BTBD8: variants seen among roughly 807,000 people sequenced by gnomAD.
BTBD8 encodes the protein BTB/POZ domain-containing protein 8.
BTBD8 carries 110 observed loss-of-function variants against 162.9 expected under a neutral mutation model. The ratio of observed to expected loss-of-function variants is 0.68; its 90% CI spans 0.58 to 0.79. The LOEUF (loss-of-function observed/expected upper bound fraction) is 0.79, where lower values mean the gene tolerates loss of function less well. Ranked by LOEUF, BTBD8 falls within the 30% of genes least tolerant of loss-of-function variation. BTBD8 has a pLI of 0.00. For missense variants in BTBD8, 1,905 were observed against 2,085.4 expected, an observed-to-expected ratio of 0.91 and a Z score of 1.68; for synonymous variants, 667 against 716.1, an observed-to-expected ratio of 0.93 and a Z score of 1.10.
chr1:92,080,394 C>G lies in BTBD8; in HGVS notation c.-178C>G, dbSNP rs1570707685. 1 of 866,234 alleles carries G rather than the reference C, an allele frequency of 1.2e-6. No homozygotes were observed. The highest frequency in any genetic ancestry group is 3.1e-5 in the East Asian group (1 of 32,182). 53.7% of individuals were successfully genotyped at this position (866,234 alleles called of 1,614,324 possible). ...GTTCTGGGATTCTGAGGCTCCCCAC[C>G]GCGGTCCGGCTTCTCTGGGAGACTG... is the stretch of plus-strand genomic sequence containing the variant. On this transcript the variant is annotated 5_prime_UTR_variant, in exon 1 of 18. Coordinates refer to ENST00000636805, the MANE Select transcript of BTBD8 (RefSeq NM_001376131.1).
chr1:92,125,754 G>T, intron 4 of BTBD8: 1 of 440,532 alleles, frequency 2.3e-6, no homozygotes, highest in South Asian at 1.9e-5. Context: ...TGATGATAAT[G>T]AGAGAAGTGA....
At chr1:92,130,539 TACACACACAC>T (rs59796834) in intron 5 of BTBD8, among the ~76,000 whole-genome samples, 2 of 131,124 alleles carry the variant, frequency 1.5e-5, no homozygotes, top group Non-Finnish European at 3.3e-5. Context: ...TATATATATT[TACACACACAC>T]ACACACACAC....
At chr1:92,092,570 C>A (rs1395050931) in intron 2 of BTBD8, among the ~76,000 whole-genome samples, 1 of 152,142 alleles carries the variant, frequency 6.6e-6, no homozygotes, top group African/African-American at 2.4e-5. Flanking sequence ...CTGAGAAATA[C>A]ATTTCTGTTG....
intron 12 of BTBD8, among the ~76,000 whole-genome samples, chr1:92,169,417 A>C (rs1161426520): frequency 6.6e-6 from 1 of 152,192 alleles, no homozygotes; most frequent in Non-Finnish European, 1.5e-5. Flanking sequence ...TTTGCCTGGA[A>C]TAGATGGCTT....
rs35849731 is a variant in BTBD8, at chr1:92,166,424, C to CTT, written c.1123-517_1123-516dup. Among the ~76,000 whole-genome samples the CTT allele has an allele frequency of 4.0e-3, 476 of 120,394 alleles. 6 individuals carry two copies. Among genetic ancestry groups the CTT allele is most frequent in the Middle Eastern group, 0.01 (2 of 196 alleles). The allele number at this position is 120,394 out of a possible 152,430, so 79.0% of individuals were successfully genotyped here. Reference sequence around the variant, plus strand: ...TATTTTAGCTACTTTTCTTTTCTTTCTTTTTTTTTTTTTTTTTTGAGATGG... The same window carrying CTT: ...TATTTTAGCTACTTTTCTTTTCTTTCTTTTTTTTTTTTTTTTTTTTGAGATGG... On this transcript the variant is annotated intron_variant, in intron 9 of 17. Transcript: ENST00000636805.
chr1:92,181,233 G>T lies in BTBD8; in HGVS notation c.3550G>T (p.Ala1184Ser). Residue 1184 changes from alanine to serine, a missense_variant, in exon 17 of 18, where the codon GCT becomes TCT. Around this residue, in one of 3 missense-constraint regions of BTBD8, gnomAD observed 1,374 missense variants for 1,442.7 expected, o/e 0.95. Transcript: ENST00000636805. Reference protein sequence around the residue: ...TIPSKLSDESAMDEDKHATAD... With the variant: ...TIPSKLSDESSMDEDKHATAD... ...TCCTAGTAAGTTGTCAGATGAATCTGCTATGGATGAAGACAAACATGCTAC... is the reference window on the plus strand; with the variant it reads ...TCCTAGTAAGTTGTCAGATGAATCTTCTATGGATGAAGACAAACATGCTAC... 6.4e-7 allele frequency: 1 copy of T among 1,551,752 alleles called. No homozygotes were observed. Among genetic ancestry groups the T allele is most frequent in the South Asian group, 1.2e-5 (1 of 84,044 alleles).
chr1:92,113,646 A>C (rs796790702), intron 4 of BTBD8, among the ~76,000 whole-genome samples: 50 of 150,804 alleles, frequency 3.3e-4, no homozygotes, highest in African/African-American at 1.2e-3. Context: ...TTCTGGTGAG[A>C]TGACCTTGTG....
intron 2 of BTBD8, 95 bp downstream of exon 2, chr1:92,088,990 A>G: frequency 8.6e-7 from 1 of 1,167,186 alleles, no homozygotes; most frequent in Non-Finnish European, 1.2e-6. Context: ...GTATTTTGTA[A>G]CCTGATAAGA....
intron 5 of BTBD8, 138 bp downstream of exon 5, chr1:92,129,914 T>C: frequency 1.3e-6 from 1 of 757,130 alleles, no homozygotes; most frequent in Non-Finnish European, 2.2e-6. Flanking sequence ...GTACATTTTC[T>C]GAAACGGGAA....
At chr1:92,136,510 A>G (rs1472990453) in intron 5 of BTBD8, among the ~76,000 whole-genome samples, 1 of 152,146 alleles carries the variant, frequency 6.6e-6, no homozygotes, top group Non-Finnish European at 1.5e-5. Context: ...GAGGCCCAGT[A>G]TTACGTGGGG....
chr1:92,137,614 T>G (rs1649664884), intron 5 of BTBD8, among the ~76,000 whole-genome samples: 1 of 152,152 alleles, frequency 6.6e-6, no homozygotes, highest in Admixed American at 6.5e-5. Flanking sequence ...AAATAATCAG[T>G]AAGTGAAGTA....
At chr1:92,116,831 T>C (rs1172912843) in intron 4 of BTBD8, among the ~76,000 whole-genome samples, 1 of 151,754 alleles carries the variant, frequency 6.6e-6, no homozygotes, top group Non-Finnish European at 1.5e-5. Flanking sequence ...GTTATTAATA[T>C]GTTTGAGTGT....
chr1:92,167,486 A>G (rs1246457864), intron 10 of BTBD8, among the ~76,000 whole-genome samples: 1 of 152,198 alleles, frequency 6.6e-6, no homozygotes, highest in Non-Finnish European at 1.5e-5. Context: ...TCTCTGTCTT[A>G]TTGGGAAGCT....
At chr1:92,116,489 C>T (rs1428598316) in intron 4 of BTBD8, among the ~76,000 whole-genome samples, 1 of 151,970 alleles carries the variant, frequency 6.6e-6, no homozygotes, top group Non-Finnish European at 1.5e-5. Context: ...GTTTTTGCTT[C>T]ATGTATTTTG....
In BTBD8 at chr1:92,147,215, C is replaced by T. The variant is rs1649945830; in HGVS notation, c.966C>T (p.Cys322=). 6.2e-7 allele frequency: 1 copy of T among 1,612,210 alleles called. No homozygotes were observed. Among genetic ancestry groups the T allele is most frequent in the Non-Finnish European group, 8.5e-7 (1 of 1,179,070 alleles). ...GAACATTGACGTCTATACTAGAATGCCTGATTATTGCTCATTCAGTTGGAG... is the reference window on the plus strand; with the variant it reads ...GAACATTGACGTCTATACTAGAATGTCTGATTATTGCTCATTCAGTTGGAG... ...VPRTLTSILE[C]LIIAHSVGVE... Residue 322 remains cysteine (C), a synonymous_variant, in exon 8 of 18, where the codon TGC becomes TGT. Coordinates refer to ENST00000636805, the MANE Select transcript of BTBD8 (RefSeq NM_001376131.1).
In BTBD8 at chr1:92,177,073, G is replaced by GA. The variant is rs774107642; in HGVS notation, c.1886dup (p.Asn629LysfsTer18). On this transcript the variant is annotated frameshift_variant, in exon 14 of 18. Coordinates refer to ENST00000636805, the MANE Select transcript of BTBD8 (RefSeq NM_001376131.1). LOFTEE classifies it high-confidence loss of function. ...ATTACAAAAGAACTAAAAACTGGGG[G>GA]AAAAAATGTTTCTGGAAAGCCCAAA... 1.3e-6 allele frequency: 2 copies of GA among 1,551,404 alleles called. No homozygotes were observed. Among genetic ancestry groups the GA allele is most frequent in the East Asian group, 2.4e-5 (1 of 40,918 alleles).
intron 9 of BTBD8, among the ~76,000 whole-genome samples, chr1:92,160,962 T>C (rs933995521): frequency 3.3e-5 from 5 of 152,096 alleles, no homozygotes; most frequent in Non-Finnish European, 7.4e-5. Flanking sequence ...CCTGGAAAAG[T>C]TGGGATGTTT....
chr1:92,080,381 T>C lies in BTBD8; in HGVS notation c.-191T>C. Reference sequence around the variant, plus strand: ...AAGAGCCGGCTCGGTTCTGGGATTCTGAGGCTCCCCACCGCGGTCCGGCTT... The same window carrying C: ...AAGAGCCGGCTCGGTTCTGGGATTCCGAGGCTCCCCACCGCGGTCCGGCTT... On this transcript the variant is annotated 5_prime_UTR_variant, in exon 1 of 18. Transcript: ENST00000636805. 1.3e-6 allele frequency: 1 copy of C among 759,038 alleles called. No homozygotes were observed. Among genetic ancestry groups the C allele is most frequent in the East Asian group, 3.2e-5 (1 of 31,726 alleles). 47.0% of individuals were successfully genotyped at this position (759,038 alleles called of 1,614,324 possible).
intron 1 of BTBD8, among the ~76,000 whole-genome samples, chr1:92,083,336 G>A (rs1239916216): frequency 6.6e-6 from 1 of 151,968 alleles, no homozygotes; most frequent in Non-Finnish European, 1.5e-5. Flanking sequence ...TTCTACCATA[G>A]ATTTGCTTAA....
Sources: allele counts gnomAD v4.1 joint callset (sites outside exome capture counted in the v4.1 genomes callset), GRCh38; gene constraint gnomAD v4.1.1; regional missense constraint gnomAD v4.1.1; transcripts MANE v1.5; gene names NCBI Gene and HGNC (gene_info 2026-07-23, HGNC 2026-07-21).